Variants in WIPF3 observed in about 807,000 individuals in gnomAD.
The protein encoded by WIPF3 is WAS/WASL interacting protein family member 3.
WIPF3 carries 33 observed loss-of-function variants against 38.9 expected under a neutral mutation model. That is an observed-to-expected ratio of 0.85 (90% CI 0.64 to 1.14). The LOEUF (loss-of-function observed/expected upper bound fraction) is 1.14. WIPF3 is among the 50% of genes most tolerant of loss of function. The pLI is 0.00. For synonymous variants in WIPF3, 324 were observed against 269.3 expected (o/e 1.20, Z -1.99); for missense variants, 711 against 652.5 (o/e 1.09, Z -0.98).
intron 7 of WIPF3, among the ~76,000 whole-genome samples, chr7:29,889,910 T>C (rs1325883374): frequency 2.0e-5 from 3 of 152,188 alleles, no homozygotes; most frequent in African/African-American, 4.8e-5. Context: ...ATAATCAGAA[T>C]ATCAAGGTGT....
At chr7:29,895,405 A>G (rs1357532645) in intron 7 of WIPF3, among the ~76,000 whole-genome samples, 2 of 152,238 alleles carry the variant, frequency 1.3e-5, no homozygotes, top group African/African-American at 4.8e-5. Flanking sequence ...ACTATTCACA[A>G]TAGCTAAAAG....
intron 4 of WIPF3, among the ~76,000 whole-genome samples, chr7:29,882,114 C>T (rs1583617261): frequency 6.6e-6 from 1 of 152,232 alleles, no homozygotes; most frequent in Admixed American, 6.5e-5. Context: ...GCCCACATTT[C>T]TCATTTGGTT....
At chr7:29,828,181 GTACTC>G (rs1401136885) in intron 1 of WIPF3, among the ~76,000 whole-genome samples, 1 of 152,136 alleles carries the variant, frequency 6.6e-6, no homozygotes, top group African/African-American at 2.4e-5. Flanking sequence ...GTGAACAGCT[GTACTC>G]TCACAGACTA....
At chr7:29,825,416 TA>T (rs1290170824) in intron 1 of WIPF3, among the ~76,000 whole-genome samples, 2 of 152,244 alleles carry the variant, frequency 1.3e-5, no homozygotes, top group African/African-American at 2.4e-5. Flanking sequence ...AACTTAGAGA[TA>T]CCCTATTTTA....
At chr7:29,907,913 C>T (rs998803411) in intron 8 of WIPF3, among the ~76,000 whole-genome samples, 5 of 151,758 alleles carry the variant, frequency 3.3e-5, no homozygotes, top group South Asian at 4.2e-4. Flanking sequence ...CATTTCACTA[C>T]AAAAAAAGTC....
At chr7:29,892,965 T>C (rs1252458923) in intron 7 of WIPF3, among the ~76,000 whole-genome samples, 6 of 152,094 alleles carry the variant, frequency 3.9e-5, no homozygotes, top group Non-Finnish European at 7.4e-5. Flanking sequence ...CTTGGGAGGC[T>C]GAGGCAGGAG....
At chr7:29,832,682 C>T (rs1784739982) in intron 1 of WIPF3, among the ~76,000 whole-genome samples, 1 of 152,162 alleles carries the variant, frequency 6.6e-6, no homozygotes, top group Non-Finnish European at 1.5e-5. Context: ...CCTTGGAACT[C>T]TTAGGAAAAC....
Position 29,884,069 on chromosome 7 carries a change from C to T in WIPF3, c.575C>T (p.Ser192Phe), listed in dbSNP as rs1785787533. 1.4e-6 allele frequency: 2 copies of T among 1,471,598 alleles called. No individual in the cohort carries two copies. The highest frequency in any genetic ancestry group is 2.7e-5 in the East Asian group (1 of 36,988). 91.2% of individuals were successfully genotyped at this position (1,471,598 alleles called of 1,614,324 possible). A position where few individuals can be genotyped will look rare whatever the true frequency, so the allele number is the denominator to read the frequency against. ...PPPPLPPPLPSSSPIKTPLVS... is the reference protein window; with the variant it reads ...PPPPLPPPLPFSSPIKTPLVS... Reference sequence around the variant, plus strand: ...CCACCCTTACCCCCGCCCCTTCCCTCTTCCTCCCCCATCAAAACTCCGCTT... The same window carrying T: ...CCACCCTTACCCCCGCCCCTTCCCTTTTCCTCCCCCATCAAAACTCCGCTT... Residue 192 changes from serine to phenylalanine, a missense_variant, in exon 5 of 9, where the codon TCT becomes TTT. By Grantham distance (155) the Ser-to-Phe change is radical (BLOSUM62 -2). Transcript: ENST00000242140.
chr7:29,845,203 A>G (rs1784980524), intron 2 of WIPF3, among the ~76,000 whole-genome samples: 1 of 152,178 alleles, frequency 6.6e-6, no homozygotes, highest in Admixed American at 6.5e-5. Flanking sequence ...AAGAAGATGC[A>G]GTGCAAAGGA....
At position 29,806,636 on chromosome 7, in the gene WIPF3, C is replaced by A. The variant is rs1784283906; in HGVS notation, c.-100C>A. On this transcript the variant is annotated 5_prime_UTR_variant, in exon 1 of 9. Transcript: ENST00000242140. The stretch of plus-strand genomic sequence containing the variant: ...AGGCGGCGGCGGCGGAGACGTCGGC[C>A]GGAGCTCGAGTCCAGTCCAGCCCCC... 1 of 151,470 alleles carries A rather than the reference C, an allele frequency of 6.6e-6. No homozygotes were observed. Among genetic ancestry groups the A allele is most frequent in the African/African-American group, 2.4e-5 (1 of 41,356 alleles). 9.4% of individuals were successfully genotyped at this position (151,470 alleles called of 1,614,324 possible). A position where few individuals can be genotyped will look rare whatever the true frequency, so the allele number is the denominator to read the frequency against.
At chr7:29,891,498 G>T (rs1309747176) in intron 7 of WIPF3, among the ~76,000 whole-genome samples, 1 of 152,150 alleles carries the variant, frequency 6.6e-6, no homozygotes, top group Non-Finnish European at 1.5e-5. Flanking sequence ...AATACCAACT[G>T]CTCTGAGTTG....
At position 29,896,062 on chromosome 7, in the gene WIPF3, A is replaced by G. The variant is rs140333641; in HGVS notation, c.1351+6655A>G. Among the ~76,000 whole-genome samples the G allele has an allele frequency of 1.8e-3, 268 of 152,294 alleles. 2 individuals are homozygous for G. Among genetic ancestry groups the G allele is most frequent in the African/African-American group, 5.8e-3 (243 of 41,574 alleles). On this transcript the variant is annotated intron_variant, in intron 7 of 8. Coordinates refer to ENST00000242140, the MANE Select transcript of WIPF3 (RefSeq NM_001080529.3). ...TTAGTGGTTTCCAGAGAGAAGAGGA[A>G]GAAGGGAATGGTGAGTGAGTACTGA...
At chr7:29,815,360 A>G (rs955020891) in intron 1 of WIPF3, among the ~76,000 whole-genome samples, 20 of 152,278 alleles carry the variant, frequency 1.3e-4, no homozygotes, top group African/African-American at 4.3e-4. Flanking sequence ...TTTTCACCCA[A>G]ATGTGTATGT....
chr7:29,839,454 T>A (rs1042843723), intron 2 of WIPF3, among the ~76,000 whole-genome samples: 4 of 152,158 alleles, frequency 2.6e-5, no homozygotes, highest in Admixed American at 1.3e-4. Context: ...TTAAAATGGA[T>A]CAAACTTACC....
At chr7:29,892,319 T>C (rs1786039651) in intron 7 of WIPF3, among the ~76,000 whole-genome samples, 1 of 152,142 alleles carries the variant, frequency 6.6e-6, no homozygotes, top group East Asian at 1.9e-4. Flanking sequence ...CAGCTGGATC[T>C]CATAGTGGGC....
intron 1 of WIPF3, among the ~76,000 whole-genome samples, chr7:29,813,486 G>T (rs76750976): frequency 2.0e-3 from 310 of 152,302 alleles, no homozygotes; most frequent in Non-Finnish European, 3.8e-3. Context: ...CTTCAGTCAT[G>T]GAAGACCTGG....
intron 1 of WIPF3, among the ~76,000 whole-genome samples, chr7:29,832,711 C>T (rs1784740295): frequency 6.6e-6 from 1 of 152,108 alleles, no homozygotes; most frequent in Non-Finnish European, 1.5e-5. Flanking sequence ...ACTCTTTCCC[C>T]AAAAAAGTTG....
chr7:29,841,680 C>T (rs1468214518), intron 2 of WIPF3, among the ~76,000 whole-genome samples: 3 of 152,058 alleles, frequency 2.0e-5, no homozygotes, highest in Admixed American at 6.5e-5. Flanking sequence ...GGTATGGTGG[C>T]GAGCACCTGT....
chr7:29,820,644 A>G (rs1784521221), intron 1 of WIPF3, among the ~76,000 whole-genome samples: 1 of 152,122 alleles, frequency 6.6e-6, no homozygotes, highest in Non-Finnish European at 1.5e-5. Context: ...GATACTGAAT[A>G]TCCACTTCTT....
Sources: allele counts gnomAD v4.1 joint callset (sites outside exome capture counted in the v4.1 genomes callset), GRCh38; gene constraint gnomAD v4.1.1; transcripts MANE v1.5; gene names NCBI Gene and HGNC (gene_info 2026-07-23, HGNC 2026-07-21).